The following CRACD variants were observed in gnomAD, a reference collection of about 807,000 sequenced individuals.
CRACD encodes the protein capping protein inhibiting regulator of actin dynamics, also known as capping protein-inhibiting regulator of actin dynamics.
CRACD carries 56 observed loss-of-function variants against 106.8 expected under a neutral mutation model. The ratio of observed to expected loss-of-function variants is 0.52; its 90% CI spans 0.42 to 0.66. The LOEUF (loss-of-function observed/expected upper bound fraction) is 0.66. Among genes scored for constraint, CRACD ranks in the 30% least tolerant of loss-of-function variants. CRACD has a pLI of 0.00. For synonymous variants in CRACD, 754 were observed against 670.8 expected (o/e 1.12, Z -1.92); for missense variants, 1,730 against 1,623.2 (o/e 1.07, Z -1.13).
At chr4:56,161,766 C>CT (rs1735965176) in intron 1 of CRACD, among the ~76,000 whole-genome samples, 1 of 98,902 alleles carries the variant, frequency 1.0e-5, no homozygotes. Flanking sequence ...AGCCAAAGAG[C>CT]ATTTTTTTTT....
intron 1 of CRACD, among the ~76,000 whole-genome samples, chr4:56,096,771 A>G (rs1733613987): frequency 6.6e-6 from 1 of 152,200 alleles, no homozygotes. Flanking sequence ...GTTCGATGGA[A>G]CAGTGGTGGT....
intron 1 of CRACD, among the ~76,000 whole-genome samples, chr4:56,091,364 CTT>C (rs60218856): frequency 0.11 from 16,253 of 146,494 alleles, 887 homozygotes; most frequent in East Asian, 0.18. Context: ...CAGAGTAGTT[CTT>C]TTTTTTTTTT....
intron 2 of CRACD, among the ~76,000 whole-genome samples, chr4:56,256,166 C>A (rs981230779): frequency 2.0e-5 from 3 of 152,294 alleles, no homozygotes; most frequent in Non-Finnish European, 2.9e-5. Context: ...ATAATTCCGA[C>A]ATGTTGTGGG....
At chr4:56,217,281 A>G (rs1490678865) in intron 2 of CRACD, among the ~76,000 whole-genome samples, 2 of 152,218 alleles carry the variant, frequency 1.3e-5, no homozygotes, top group African/African-American at 4.8e-5. Flanking sequence ...TGCCAAGGTT[A>G]AGGACATACT....
chr4:56,314,090 G>T lies in CRACD; in HGVS notation c.588G>T (p.Gln196His). 4 of 1,614,184 alleles carry T rather than the reference G, an allele frequency of 2.5e-6. No individual in the cohort carries two copies. Among genetic ancestry groups the T allele is most frequent in the Non-Finnish European group, 2.5e-6 (3 of 1,180,030 alleles). Reference sequence around the variant, plus strand: ...TTGAGAGTCGGCCCTGCCTGGACCAGAACGGACACCCAGGCGAGGACAAGC... The same window carrying T: ...TTGAGAGTCGGCCCTGCCTGGACCATAACGGACACCCAGGCGAGGACAAGC... ...GGLESRPCLD[Q>H]NGHPGEDKPT... Residue 196 changes from glutamine to histidine, a missense_variant, in exon 8 of 11, where the codon CAG (glutamine) becomes CAT (histidine). Physicochemically the swap from Gln to His is conservative, Grantham distance 24. Coordinates refer to ENST00000682029, the MANE Select transcript of CRACD (RefSeq NM_001393381.1). The surrounding 1 kb of genome is among the most constrained non-coding windows in gnomAD (Gnocchi z 4.4).
At chr4:56,266,828 T>C (rs892544383) in intron 2 of CRACD, among the ~76,000 whole-genome samples, 1 of 152,196 alleles carries the variant, frequency 6.6e-6, no homozygotes, top group East Asian at 1.9e-4. Flanking sequence ...AGACATATGC[T>C]CAGGTTTTCA....
chr4:56,186,219 T>C (rs1047775667), intron 2 of CRACD, among the ~76,000 whole-genome samples: 14 of 152,196 alleles, frequency 9.2e-5, no homozygotes, highest in Non-Finnish European at 2.9e-5. Flanking sequence ...GAAGAGCTCT[T>C]GGTCTAATAA....
At chr4:56,216,435 A>G (rs1293114984) in intron 2 of CRACD, among the ~76,000 whole-genome samples, 1 of 152,170 alleles carries the variant, frequency 6.6e-6, no homozygotes, top group Non-Finnish European at 1.5e-5. Context: ...ATTTAAGACA[A>G]TGATGTGTAT....
chr4:56,173,187 G>C (rs1736450648), intron 1 of CRACD, among the ~76,000 whole-genome samples: 2 of 152,202 alleles, frequency 1.3e-5, no homozygotes, highest in Non-Finnish European at 2.9e-5. Context: ...GTAGCAAATG[G>C]AAAAAGTCAA....
Position 56,313,374 on chromosome 4 carries a change from G to A in CRACD, c.532G>A (p.Ala178Thr), listed in dbSNP as rs1331541501. Reference protein sequence around the residue: ...QRVSKKHRRLAQDPQHEQGGL... With the variant: ...QRVSKKHRRLTQDPQHEQGGL... ...GGTGTCAAAGAAGCACAGGCGCCTT[G>A]CCCAGGTGTGTAGAGCCTGCACGGG... The change falls in exon 7 of 11, where the codon GCC becomes ACC. Residue 178 changes from alanine (A) to threonine (T), a missense_variant. Physicochemically the swap from Ala to Thr is moderately conservative, Grantham distance 58. Around this residue, in one of 5 missense-constraint regions of CRACD, gnomAD observed 1,620 missense variants for 1,481.6 expected, o/e 1.09. Transcript: ENST00000682029. 1 of 1,613,286 alleles carries A rather than the reference G, an allele frequency of 6.2e-7. No individual in the cohort carries two copies. Among genetic ancestry groups the A allele is most frequent in the Non-Finnish European group, 8.5e-7 (1 of 1,179,830 alleles).
At chr4:56,170,428 C>A (rs1456308529) in intron 1 of CRACD, among the ~76,000 whole-genome samples, 3 of 152,112 alleles carry the variant, frequency 2.0e-5, no homozygotes, top group Non-Finnish European at 4.4e-5. Context: ...ATCTGGGTAT[C>A]ATTTTGGATA....
At chr4:56,075,435 A>G (rs1732807930) in intron 1 of CRACD, among the ~76,000 whole-genome samples, 1 of 152,118 alleles carries the variant, frequency 6.6e-6, no homozygotes, top group Non-Finnish European at 1.5e-5. Context: ...TGTGTCCAGG[A>G]ATTTATCCAT....
intron 2 of CRACD, among the ~76,000 whole-genome samples, chr4:56,199,897 G>A (rs1007694417): frequency 6.6e-6 from 1 of 151,900 alleles, no homozygotes; most frequent in Admixed American, 6.6e-5. Flanking sequence ...ATCCCAAGCT[G>A]GGAATAGTGT....
intron 2 of CRACD, among the ~76,000 whole-genome samples, chr4:56,201,865 C>G (rs1737896686): frequency 2.0e-5 from 3 of 152,156 alleles, no homozygotes; most frequent in African/African-American, 7.2e-5. Context: ...AGGAATACCA[C>G]TCTTAAGAAC....
chr4:56,102,169 A>C (rs1307273359), intron 1 of CRACD, among the ~76,000 whole-genome samples: 1 of 152,210 alleles, frequency 6.6e-6, no homozygotes. Flanking sequence ...ATTCTGCTGC[A>C]AAGTGATTAT....
At chr4:56,090,584 A>G (rs10022734) in intron 1 of CRACD, among the ~76,000 whole-genome samples, 111,010 of 152,056 alleles carry the variant, frequency 0.73, 41,636 homozygotes, top group African/African-American at 0.91. Context: ...TTGTAGAGAC[A>G]AGGTTTTGCC....
Position 56,225,824 on chromosome 4 carries a change from A to G in CRACD, c.-189+46394A>G, listed in dbSNP as rs1271880468. 2.0e-5 allele frequency among the ~76,000 whole-genome samples: 3 copies of G among 152,242 alleles called. No individual in the cohort carries two copies. In the East Asian group the frequency reaches 5.8e-4, roughly 29 times the overall value. ...GGAAGTAATTCAAGATCATAACATT[A>G]GCTGTGAAATAATTTTTGAGATATT... On this transcript the variant is annotated intron_variant, in intron 2 of 10. Coordinates refer to ENST00000682029, the MANE Select transcript of CRACD (RefSeq NM_001393381.1).
rs1234763827 is a variant in CRACD, at chr4:56,328,444, G to GTTATTCCAATAAC, written c.*641_*642insTATTCCAATAACT. ...ATTTTTACCGCACTGTGGATTCATA[G>GTTATTCCAATAAC]TGTGGGGCCCTGTTATTCCAATACC... On this transcript the variant is annotated 3_prime_UTR_variant, in exon 11 of 11. Transcript: ENST00000682029. The GTTATTCCAATAAC allele has an allele frequency of 3.9e-6, 2 of 516,584 alleles. No individual in the cohort carries two copies. The highest frequency in any genetic ancestry group is 7.7e-6 in the Non-Finnish European group (2 of 258,862). The allele number at this position is 516,584 out of a possible 1,614,324, so 32.0% of individuals were successfully genotyped here. A position where few individuals can be genotyped will look rare whatever the true frequency, so the allele number is the denominator to read the frequency against.
chr4:56,056,613 CAAAA>C (rs1181927752), intron 1 of CRACD, among the ~76,000 whole-genome samples: 1 of 147,320 alleles, frequency 6.8e-6, no homozygotes, highest in Non-Finnish European at 1.5e-5. Flanking sequence ...AAAAAACAAA[CAAAA>C]AAAACACCCT....
Sources: allele counts gnomAD v4.1 joint callset (sites outside exome capture counted in the v4.1 genomes callset), GRCh38; gene constraint gnomAD v4.1.1; regional missense constraint gnomAD v4.1.1; non-coding constraint Gnocchi (gnomAD v3.1); transcripts MANE v1.5; gene names NCBI Gene and HGNC (gene_info 2026-07-23, HGNC 2026-07-21).